Variants in KAT2B observed in about 807,000 individuals in gnomAD.
The protein encoded by KAT2B is lysine acetyltransferase 2B.
In KAT2B, 36 loss-of-function variants were observed where a neutral mutation model predicts 105.9. The observed-to-expected ratio is 0.34, with a 90% CI of 0.26 to 0.45. The LOEUF is 0.45. KAT2B is among the 20% of genes least tolerant of loss of function. The pLI, the probability that KAT2B is intolerant of heterozygous loss-of-function variation, is 1.00. For synonymous variants in KAT2B, 397 were observed against 377.9 expected (o/e 1.05, Z -0.59); for missense variants, 820 against 1,021.6 (o/e 0.80, Z 2.69).
intron 2 of KAT2B, among the ~76,000 whole-genome samples, chr3:20,092,678 CT>C (rs1698743808): frequency 6.6e-6 from 1 of 151,430 alleles, no homozygotes; most frequent in African/African-American, 2.4e-5. Context: ...ATATAATGCC[CT>C]TTTTGGTCTC....
At chr3:20,146,754 A>C (rs1699789661) in intron 14 of KAT2B, among the ~76,000 whole-genome samples, 2 of 152,192 alleles carry the variant, frequency 1.3e-5, no homozygotes, top group Non-Finnish European at 2.9e-5. Context: ...TAAATGGGGA[A>C]ATCGAGTTCC....
intron 7 of KAT2B, among the ~76,000 whole-genome samples, chr3:20,118,507 A>G (rs938606306): frequency 6.7e-6 from 1 of 149,656 alleles, no homozygotes; most frequent in Non-Finnish European, 1.5e-5. Flanking sequence ...ACCTGAGGTC[A>G]GGAGTTTGAG....
chr3:20,129,007 CAAAAAAAA>C (rs534566854), intron 11 of KAT2B, among the ~76,000 whole-genome samples: 3 of 57,284 alleles, frequency 5.2e-5, no homozygotes, highest in Admixed American at 2.3e-4. Context: ...AACTCCATCT[CAAAAAAAA>C]AAAAAAAAAA....
intron 2 of KAT2B, among the ~76,000 whole-genome samples, chr3:20,076,360 G>GT (rs1033380737): frequency 2.6e-4 from 39 of 152,098 alleles, no homozygotes; most frequent in African/African-American, 9.4e-4. Context: ...TTTCTTCCTT[G>GT]TTTCTTCTCT....
intron 1 of KAT2B, among the ~76,000 whole-genome samples, chr3:20,058,559 G>A (rs2929399): frequency 0.063 from 9,587 of 151,634 alleles, 335 homozygotes; most frequent in Non-Finnish European, 0.076. Context: ...TCAATCCCAG[G>A]CAGTTTTGTT....
intron 2 of KAT2B, among the ~76,000 whole-genome samples, chr3:20,092,365 A>G (rs1698735394): frequency 6.6e-6 from 1 of 151,656 alleles, no homozygotes; most frequent in Admixed American, 6.6e-5. Context: ...AGTAGCTGGG[A>G]TTACAAGCAT....
chr3:20,100,147 C>G (rs972555744), intron 4 of KAT2B, among the ~76,000 whole-genome samples, 193 bp downstream of exon 4: 8 of 152,094 alleles, frequency 5.3e-5, no homozygotes, highest in Non-Finnish European at 8.8e-5. Context: ...TAGCTTTTGC[C>G]TTTTAGGGTT....
At chr3:20,079,202 C>CTTT (rs61697250) in intron 2 of KAT2B, among the ~76,000 whole-genome samples, 2 of 102,182 alleles carry the variant, frequency 2.0e-5, no homozygotes, top group Admixed American at 1.1e-4. Flanking sequence ...CACCTGGCCT[C>CTTT]TTTTTTTTTT....
At chr3:20,150,890 G>T (rs1194353210) in intron 17 of KAT2B, among the ~76,000 whole-genome samples, 1 of 151,982 alleles carries the variant, frequency 6.6e-6, no homozygotes, top group Non-Finnish European at 1.5e-5. Flanking sequence ...TTTTTGGGGG[G>T]TACATGTTTC....
intron 1 of KAT2B, among the ~76,000 whole-genome samples, chr3:20,047,174 C>T (rs1336715250): frequency 6.6e-6 from 1 of 151,508 alleles, no homozygotes; most frequent in African/African-American, 2.4e-5. Context: ...ACCCTAGTCT[C>T]CCAAGTAGCT....
chr3:20,076,427 G>C (rs1429612076), intron 2 of KAT2B, among the ~76,000 whole-genome samples: 1 of 152,070 alleles, frequency 6.6e-6, no homozygotes, highest in East Asian at 1.9e-4. Flanking sequence ...AGTGGTCTTG[G>C]AATTATTGTT....
chr3:20,146,838 A>G (rs528464245), intron 14 of KAT2B, among the ~76,000 whole-genome samples: 25 of 152,304 alleles, frequency 1.6e-4, no homozygotes, highest in African/African-American at 6.0e-4. Context: ...CCCAGTTCTG[A>G]TGGCCGAACA....
At position 20,040,689 on chromosome 3, in the gene KAT2B, G is replaced by A; in HGVS notation, c.212G>A (p.Gly71Asp). ...AGTAEGPGGGGSARIAVKKAQ... is the reference protein window; with the variant it reads ...AGTAEGPGGGDSARIAVKKAQ... Reference sequence around the variant, plus strand: ...ACGGCCGAAGGACCGGGAGGCGGTGGCTCGGCCCGAATCGCCGTGAAGAAA... The same window carrying A: ...ACGGCCGAAGGACCGGGAGGCGGTGACTCGGCCCGAATCGCCGTGAAGAAA... The change falls in exon 1 of 18, where the codon GGC (glycine) becomes GAC (aspartate). Residue 71 changes from glycine (G) to aspartate (D), a missense_variant. By Grantham distance (94) the Gly-to-Asp change is moderately conservative. Coordinates refer to ENST00000263754, the MANE Select transcript of KAT2B (RefSeq NM_003884.5). 6.4e-7 allele frequency: 1 copy of A among 1,573,034 alleles called. No homozygotes were observed. The highest frequency in any genetic ancestry group is 8.6e-7 in the Non-Finnish European group (1 of 1,164,666).
chr3:20,080,004 T>C (rs1011772245), intron 2 of KAT2B, among the ~76,000 whole-genome samples: 1 of 152,218 alleles, frequency 6.6e-6, no homozygotes, highest in Non-Finnish European at 1.5e-5. Context: ...CCCTTCAAGT[T>C]CCTGCCTCTA....
rs182434645 is a variant in KAT2B at position 20,075,893 on chromosome 3, C to T, written c.430+3434C>T. The stretch of plus-strand genomic sequence containing the variant: ...CACCACTGCAGCCTGGGCGACAGAG[C>T]GAGACTCCCATCTCAAAAAAAAAAA... On this transcript the variant is annotated intron_variant, in intron 2 of 17. Coordinates refer to ENST00000263754, the MANE Select transcript of KAT2B (RefSeq NM_003884.5). Among the ~76,000 whole-genome samples the T allele has an allele frequency of 4.2e-5, 6 of 144,220 alleles. No homozygotes were observed. In the East Asian group the frequency reaches 6.0e-4, roughly 14 times the overall value. 94.6% of individuals were successfully genotyped at this position (144,220 alleles called of 152,430 possible).
chr3:20,108,851 A>C (rs1575138816), intron 5 of KAT2B, among the ~76,000 whole-genome samples: 1 of 152,296 alleles, frequency 6.6e-6, no homozygotes, highest in East Asian at 1.9e-4. Context: ...TGTGCATGTG[A>C]GGGATCTAAG....
At chr3:20,140,744 G>T (rs12488589) in intron 13 of KAT2B, among the ~76,000 whole-genome samples, 1 of 151,844 alleles carries the variant, frequency 6.6e-6, no homozygotes, top group Non-Finnish European at 1.5e-5. Context: ...CACCTGCCTC[G>T]GCCTCCCAAA....
chr3:20,097,033 A>G lies in KAT2B; in HGVS notation c.576+1625A>G, dbSNP rs534268438. Among the ~76,000 whole-genome samples, 7 of 152,290 alleles carry G rather than the reference A, an allele frequency of 4.6e-5. No individual in the cohort carries two copies. In the South Asian group the frequency reaches 1.4e-3, roughly 32 times the overall value. The stretch of plus-strand genomic sequence containing the variant: ...GGATTCCCCACAGCCATTAGCAGGC[A>G]CTGGACCACTTTAGGCATCCAGGTG... On this transcript the variant is annotated intron_variant, in intron 3 of 17. Transcript: ENST00000263754.
chr3:20,122,261 G>A (rs919865395), intron 8 of KAT2B, among the ~76,000 whole-genome samples: 2 of 152,040 alleles, frequency 1.3e-5, no homozygotes, highest in Non-Finnish European at 2.9e-5. Context: ...ACAAAAGATT[G>A]GTCTTATTTT....
Sources: allele counts gnomAD v4.1 joint callset (sites outside exome capture counted in the v4.1 genomes callset), GRCh38; gene constraint gnomAD v4.1.1; transcripts MANE v1.5; gene names NCBI Gene and HGNC (gene_info 2026-07-23, HGNC 2026-07-21).